Variants in WSB1 observed in about 807,000 individuals in gnomAD.
WSB1 encodes the protein WD repeat and SOCS box-containing protein 1.
In WSB1, 23 loss-of-function variants were observed where a neutral mutation model predicts 50.2. The ratio of observed to expected loss-of-function variants is 0.46; its 90% CI spans 0.33 to 0.65. The LOEUF (loss-of-function observed/expected upper bound fraction) is 0.65. Among genes scored for constraint, WSB1 ranks in the 30% least tolerant of loss-of-function variants. The pLI is 0.02. For synonymous variants in WSB1, 179 were observed against 172.0 expected (o/e 1.04, Z -0.32); for missense variants, 492 against 522.3 (o/e 0.94, Z 0.56).
chr17:27,307,684 G>A (rs2017516126), intron 5 of WSB1: 2 of 1,498,596 alleles, frequency 1.3e-6, no homozygotes, highest in Non-Finnish European at 8.9e-7. Context: ...AAAATTAGAT[G>A]TTGACATTGC....
At position 27,313,390 on chromosome 17, in the gene WSB1, T is replaced by G. The variant is rs1441106822; in HGVS notation, c.*1021T>G. The G allele has an allele frequency of 6.6e-6, 1 of 150,662 alleles. No individual in the cohort carries two copies. The highest frequency in any genetic ancestry group is 1.5e-5 in the Non-Finnish European group (1 of 67,762). The allele number at this position is 150,662 out of a possible 1,614,324, so 9.3% of individuals were successfully genotyped here. ...AAGAATCCGTCTACTGTATTATTGC[T>G]AAATATTTTGTTTATACTAAGGGAC... On this transcript the variant is annotated 3_prime_UTR_variant, in exon 9 of 9. Transcript: ENST00000262394.
chr17:27,308,064 T>G (rs2017529588), intron 5 of WSB1: 1 of 1,172,580 alleles, frequency 8.5e-7, no homozygotes, highest in African/African-American at 1.6e-5. Context: ...TGAAACCAAT[T>G]TAATGTAAAG....
intron 5 of WSB1, chr17:27,308,025 C>T: frequency 1.7e-6 from 2 of 1,209,902 alleles, no homozygotes; most frequent in Non-Finnish European, 2.1e-6. Flanking sequence ...ATTGATTTTC[C>T]AGTTTTATGG....
At position 27,315,622 on chromosome 17, in the gene WSB1, C is replaced by G. The variant is rs1357268040; in HGVS notation, c.*3253C>G. The G allele has an allele frequency of 2.0e-5, 3 of 152,290 alleles. No individual in the cohort carries two copies. The South Asian group carries it at 6.2e-4, about 32-fold the overall frequency. The allele number at this position is 152,290 out of a possible 1,614,324, so 9.4% of individuals were successfully genotyped here. A position where few individuals can be genotyped will look rare whatever the true frequency, so the allele number is the denominator to read the frequency against. On this transcript the variant is annotated 3_prime_UTR_variant, in exon 9 of 9. Transcript: ENST00000262394. The stretch of plus-strand genomic sequence containing the variant: ...TAAGAAAATAGCATGAGAAGTTTCA[C>G]GAGCCTGAAACCATTGAGACAGTGA...
intron 8 of WSB1, 21 bp from the exon 9 acceptor site, chr17:27,312,189 A>G (rs1339612545): frequency 6.3e-7 from 1 of 1,594,576 alleles, no homozygotes; most frequent in Non-Finnish European, 8.5e-7. Flanking sequence ...GTGACTAAGC[A>G]TGTGCTTTGT....
chr17:27,311,533 T>C lies in WSB1; in HGVS notation c.1023T>C (p.Asp341=), dbSNP rs2017677511. The change falls in exon 8 of 9, where the codon GAT becomes GAC. Residue 341 remains aspartate (D), a synonymous_variant. Coordinates refer to ENST00000262394, the MANE Select transcript of WSB1 (RefSeq NM_015626.10). Reference sequence around the variant, plus strand: ...GAATGGTGAGGTTCTGGAGAATTGATGAGGATTATCCAGTGCAAGTTGCAC... The same window carrying C: ...GAATGGTGAGGTTCTGGAGAATTGACGAGGATTATCCAGTGCAAGTTGCAC... ...DDKMVRFWRI[D]EDYPVQVAPL... 2 of 1,605,388 alleles carry C rather than the reference T, an allele frequency of 1.2e-6. No individual in the cohort carries two copies. The highest frequency in any genetic ancestry group is 1.1e-5 in the South Asian group (1 of 88,554).
At position 27,315,113 on chromosome 17, in the gene WSB1, TG is replaced by T. The variant is rs1370609805; in HGVS notation, c.*2748del. 6.6e-5 allele frequency: 10 copies of T among 152,146 alleles called. No individual in the cohort carries two copies. Among genetic ancestry groups the T allele is most frequent in the Non-Finnish European group, 1.5e-4 (10 of 68,034 alleles). The allele number at this position is 152,146 out of a possible 1,614,324, so 9.4% of individuals were successfully genotyped here. A position where few individuals can be genotyped will look rare whatever the true frequency, so the allele number is the denominator to read the frequency against. ...CATGTTTGAATTTTCCATTTGTCTG[TG>T]GGGAAGAAGGTAATAACAGTAATAA... On this transcript the variant is annotated 3_prime_UTR_variant, in exon 9 of 9. Coordinates refer to ENST00000262394, the MANE Select transcript of WSB1 (RefSeq NM_015626.10).
chr17:27,303,754 A>T (rs2017332198), intron 3 of WSB1, 119 bp downstream of exon 3: 9 of 1,286,010 alleles, frequency 7.0e-6, no homozygotes, highest in Non-Finnish European at 8.5e-6. Flanking sequence ...TTGATGGCAT[A>T]GGTGCGTCTT....
rs190710440 is a variant in WSB1 at position 27,302,677 on chromosome 17, A to T, written c.210-690A>T. On this transcript the variant is annotated intron_variant, in intron 2 of 8. Transcript: ENST00000262394. Reference sequence around the variant, plus strand: ...TGACTTTAGGTGATCCACCCTCCTCAGCCTCCCTAAGTGCTGGGATTACAG... The same window carrying T: ...TGACTTTAGGTGATCCACCCTCCTCTGCCTCCCTAAGTGCTGGGATTACAG... 1,468 of 152,350 alleles carry T rather than the reference A, an allele frequency of 9.6e-3. 14 individuals are homozygous for T. Among genetic ancestry groups the T allele is most frequent in the Non-Finnish European group, 0.016 (1,075 of 68,134 alleles). 9.4% of individuals were successfully genotyped at this position (152,350 alleles called of 1,614,324 possible).
intron 5 of WSB1, chr17:27,307,414 T>A (rs765509897): frequency 6.1e-5 from 23 of 374,784 alleles, no homozygotes; most frequent in Non-Finnish European, 1.1e-4. Flanking sequence ...TTAAGAGGGT[T>A]ATGCTTATTG....
chr17:27,294,610 G>C (rs528437511), intron 1 of WSB1, among the ~76,000 whole-genome samples, 175 bp downstream of exon 1: 101 of 152,292 alleles, frequency 6.6e-4, no homozygotes, highest in Non-Finnish European at 1.3e-3. Context: ...AGGGGTAAAC[G>C]GCACCGACGT....
chr17:27,311,413 G>A, intron 7 of WSB1, 96 bp from the exon 8 acceptor site: 1 of 843,674 alleles, frequency 1.2e-6, no homozygotes. Context: ...TGTATTTTGT[G>A]ACTCATAACT....
At chr17:27,296,178 C>T (rs1450755007) in intron 1 of WSB1, among the ~76,000 whole-genome samples, 1 of 151,988 alleles carries the variant, frequency 6.6e-6, no homozygotes, top group East Asian at 1.9e-4. Context: ...GATAGCATAC[C>T]TACATAAAGT....
rs1324265291 is a variant in WSB1 at position 27,315,422 on chromosome 17, T to C, written c.*3053T>C. ...GATCTTAGGTTGGCAAATCTTAAAC[T>C]TAACGATCCTTGAAATTTCCTGCCT... On this transcript the variant is annotated 3_prime_UTR_variant, in exon 9 of 9. Transcript: ENST00000262394. 6.6e-6 allele frequency: 1 copy of C among 152,252 alleles called. No individual in the cohort carries two copies. The highest frequency in any genetic ancestry group is 1.9e-4 in the East Asian group (1 of 5,202). 9.4% of individuals were successfully genotyped at this position (152,252 alleles called of 1,614,324 possible).
At chr17:27,311,487 A>T (rs771782080) in intron 7 of WSB1, 22 bp from the exon 8 acceptor site, 3 of 1,567,958 alleles carry the variant, frequency 1.9e-6, no homozygotes, top group Non-Finnish European at 2.6e-6. Flanking sequence ...ACAAGATACT[A>T]AATAATTTAT....
chr17:27,297,608 C>G (rs543876123), intron 1 of WSB1, among the ~76,000 whole-genome samples: 1 of 152,178 alleles, frequency 6.6e-6, no homozygotes, highest in East Asian at 1.9e-4. Context: ...AGGTGCATGC[C>G]ACCACACTCG....
At chr17:27,309,699 C>T (rs1375758840) in intron 6 of WSB1, among the ~76,000 whole-genome samples, 1 of 152,058 alleles carries the variant, frequency 6.6e-6, no homozygotes, top group Admixed American at 6.5e-5. Flanking sequence ...TCTCCTGCCT[C>T]AGCCTCCTGA....
At chr17:27,297,691 A>G (rs889637047) in intron 1 of WSB1, among the ~76,000 whole-genome samples, 2 of 152,142 alleles carry the variant, frequency 1.3e-5, no homozygotes, top group Non-Finnish European at 2.9e-5. Flanking sequence ...CATGGGCTCA[A>G]GTGATCCATC....
At chr17:27,311,271 G>T (rs1170555666) in intron 7 of WSB1, among the ~76,000 whole-genome samples, 1 of 152,220 alleles carries the variant, frequency 6.6e-6, no homozygotes, top group Non-Finnish European at 1.5e-5. Flanking sequence ...ACACTGGGAA[G>T]GAGGGAAGGC....
Sources: allele counts gnomAD v4.1 joint callset (sites outside exome capture counted in the v4.1 genomes callset), GRCh38; gene constraint gnomAD v4.1.1; transcripts MANE v1.5; gene names NCBI Gene and HGNC (gene_info 2026-07-23, HGNC 2026-07-21).